The following RIMBP2 variants were observed in gnomAD, a reference collection of about 807,000 sequenced individuals.
RIMBP2 encodes the protein RIMS-binding protein 2.
RIMBP2 carries 48 observed loss-of-function variants against 118.6 expected under a neutral mutation model. The ratio of observed to expected loss-of-function variants is 0.40; its 90% CI spans 0.32 to 0.51. RIMBP2 has a LOEUF of 0.51. Among genes scored for constraint, RIMBP2 ranks in the 20% least tolerant of loss-of-function variants. The pLI is 0.41. For synonymous variants in RIMBP2, 762 were observed against 742.9 expected (o/e 1.03, Z -0.42); for missense variants, 1,551 against 1,768.3 (o/e 0.88, Z 2.20).
chr12:130,540,269 G>A (rs1192612986), intron 2 of RIMBP2, among the ~76,000 whole-genome samples: 2 of 152,192 alleles, frequency 1.3e-5, no homozygotes, highest in Admixed American at 6.5e-5. Context: ...GCCAGTGGAT[G>A]AGAAGGGCAC....
intron 2 of RIMBP2, among the ~76,000 whole-genome samples, chr12:130,616,800 C>CA (rs889504064): frequency 1.3e-5 from 2 of 152,204 alleles, no homozygotes; most frequent in African/African-American, 4.8e-5. Flanking sequence ...TGGCAGCCAG[C>CA]AAAGAGTTTG....
At chr12:130,503,849 T>C (rs1225034737) in intron 4 of RIMBP2, among the ~76,000 whole-genome samples, 1 of 152,258 alleles carries the variant, frequency 6.6e-6, no homozygotes, top group Non-Finnish European at 1.5e-5. Flanking sequence ...TTCTTTCTTC[T>C]CTTTATGCAA....
intron 4 of RIMBP2, among the ~76,000 whole-genome samples, chr12:130,504,819 C>T (rs1566160067): frequency 6.6e-6 from 1 of 152,192 alleles, no homozygotes; most frequent in Non-Finnish European, 1.5e-5. Flanking sequence ...CACGGATCTG[C>T]GCGTGGGAGA....
At chr12:130,613,676 T>TG (rs1160036827) in intron 2 of RIMBP2, among the ~76,000 whole-genome samples, 5 of 151,914 alleles carry the variant, frequency 3.3e-5, no homozygotes, top group Admixed American at 1.3e-4. Flanking sequence ...TAGCTGGGTG[T>TG]GGTGGCGGGT....
rs748822665 is a variant in RIMBP2 at position 130,451,180 on chromosome 12, C to T, written c.504+15G>A. 3.7e-6 allele frequency: 6 copies of T among 1,610,512 alleles called. No individual in the cohort carries two copies. The highest frequency in any genetic ancestry group is 1.3e-5 in the African/African-American group (1 of 74,884). On this transcript the variant is annotated intron_variant, in intron 8 of 22. Coordinates refer to ENST00000690449, the MANE Select transcript of RIMBP2 (RefSeq NM_001393629.1). The stretch of plus-strand genomic sequence containing the variant: ...GCACAGGCAGCCCCGGCAGCCCCTG[C>T]GGGACGGGACTCACGTCTGACTCAG...
chr12:130,506,442 G>A (rs1434128194), intron 4 of RIMBP2, among the ~76,000 whole-genome samples: 1 of 152,082 alleles, frequency 6.6e-6, no homozygotes, highest in African/African-American at 2.4e-5. Context: ...TGGCTTTACG[G>A]GATTGCTTCC....
intron 1 of RIMBP2, among the ~76,000 whole-genome samples, chr12:130,673,065 G>A (rs1354499923): frequency 6.6e-6 from 1 of 152,192 alleles, no homozygotes; most frequent in Non-Finnish European, 1.5e-5. Flanking sequence ...ATTTCTCAAA[G>A]GAAGAACTCC....
At chr12:130,598,645 G>A (rs936549639) in intron 2 of RIMBP2, among the ~76,000 whole-genome samples, 7 of 151,752 alleles carry the variant, frequency 4.6e-5, no homozygotes, top group East Asian at 1.9e-4. Context: ...GGAGAATGGC[G>A]TGAACCCGGG....
rs139337403 is a variant in RIMBP2, at chr12:130,499,572, G to A, written c.-4+7076C>T. Among the ~76,000 whole-genome samples the A allele has an allele frequency of 5.2e-3, 789 of 152,138 alleles. 3 individuals carry two copies. The highest frequency in any genetic ancestry group is 7.8e-3 in the Non-Finnish European group (532 of 68,026). On this transcript the variant is annotated intron_variant, in intron 4 of 22. Coordinates refer to ENST00000690449, the MANE Select transcript of RIMBP2 (RefSeq NM_001393629.1). Reference sequence around the variant, plus strand: ...GACCTCATCTTCTAACTATTTCCCCGTGTTCATTCTACTCCTGCACCTCGG... The same window carrying A: ...GACCTCATCTTCTAACTATTTCCCCATGTTCATTCTACTCCTGCACCTCGG...
intron 1 of RIMBP2, among the ~76,000 whole-genome samples, chr12:130,663,106 T>C (rs1210563516): frequency 1.3e-5 from 2 of 152,214 alleles, no homozygotes; most frequent in Admixed American, 1.3e-4. Flanking sequence ...ACCAGCAGGT[T>C]CTGCAGGCAG....
rs369267281 is a variant in RIMBP2 at position 130,621,609 on chromosome 12, C to T, written c.-217+6713G>A. ...CGGGGCATAGCAAGCCCCAAGGCCT[C>T]TCTGAGCCCACGGCTATATCAGCAG... On this transcript the variant is annotated intron_variant, in intron 2 of 22. Transcript: ENST00000690449. The surrounding 1 kb of genome is among the most constrained non-coding windows in gnomAD (Gnocchi z 6.6). Among the ~76,000 whole-genome samples the T allele has an allele frequency of 6.6e-6, 1 of 152,230 alleles. No homozygotes were observed. Among genetic ancestry groups the T allele is most frequent in the East Asian group, 1.9e-4 (1 of 5,200 alleles).
chr12:130,517,172 AG>A (rs1234153962), intron 3 of RIMBP2, among the ~76,000 whole-genome samples: 1 of 152,120 alleles, frequency 6.6e-6, no homozygotes, highest in African/African-American at 2.4e-5. Flanking sequence ...TTAATGGACC[AG>A]TGGGTTATCA....
intron 1 of RIMBP2, among the ~76,000 whole-genome samples, chr12:130,634,877 G>GC (rs1262578367): frequency 3.3e-5 from 5 of 152,100 alleles, no homozygotes; most frequent in African/African-American, 4.8e-5. Flanking sequence ...GGGATTACAG[G>GC]CCTGAGCCAC....
intron 2 of RIMBP2, among the ~76,000 whole-genome samples, chr12:130,567,943 C>T (rs2057348135): frequency 6.6e-6 from 1 of 152,098 alleles, no homozygotes; most frequent in Non-Finnish European, 1.5e-5. Context: ...CTTGGCCTGT[C>T]TTACCTATGC....
At chr12:130,406,759 G>A (rs1341729842) in intron 20 of RIMBP2, among the ~76,000 whole-genome samples, 1 of 152,156 alleles carries the variant, frequency 6.6e-6, no homozygotes, top group Non-Finnish European at 1.5e-5. Flanking sequence ...CAATTGTTCT[G>A]CCTCAGCCTC....
At chr12:130,694,525 C>T (rs546209073) in intron 1 of RIMBP2, among the ~76,000 whole-genome samples, 120 of 152,334 alleles carry the variant, frequency 7.9e-4, no homozygotes, top group Non-Finnish European at 1.2e-3. Flanking sequence ...CTTCCCACCA[C>T]GCTCCAGCAT....
chr12:130,708,856 T>C lies in RIMBP2; in HGVS notation c.-352+7366A>G, dbSNP rs1593051403. ...CGGCTCCGCCCCAGCTTCTCTGGGATCTCACAGGTCCTGCAGCGCTGTAGT... is the reference window on the plus strand; with the variant it reads ...CGGCTCCGCCCCAGCTTCTCTGGGACCTCACAGGTCCTGCAGCGCTGTAGT... On this transcript the variant is annotated intron_variant, in intron 1 of 22. Coordinates refer to ENST00000690449, the MANE Select transcript of RIMBP2 (RefSeq NM_001393629.1). 2.0e-5 allele frequency among the ~76,000 whole-genome samples: 3 copies of C among 152,196 alleles called. No homozygotes were observed. In the South Asian group the frequency reaches 6.2e-4, roughly 32 times the overall value.
At chr12:130,582,226 C>T (rs935753406) in intron 2 of RIMBP2, among the ~76,000 whole-genome samples, 4 of 152,172 alleles carry the variant, frequency 2.6e-5, no homozygotes, top group African/African-American at 9.7e-5. Context: ...CTAGAAGGCA[C>T]AGGGGCAGGG....
At chr12:130,512,683 A>G (rs1417226518) in intron 3 of RIMBP2, among the ~76,000 whole-genome samples, 3 of 152,194 alleles carry the variant, frequency 2.0e-5, no homozygotes, top group African/African-American at 7.2e-5. Context: ...CAAGGGCCAA[A>G]TCAGTCTCCT....
Sources: allele counts gnomAD v4.1 joint callset (sites outside exome capture counted in the v4.1 genomes callset), GRCh38; gene constraint gnomAD v4.1.1; non-coding constraint Gnocchi (gnomAD v3.1); transcripts MANE v1.5; gene names NCBI Gene and HGNC (gene_info 2026-07-23, HGNC 2026-07-21).